The following RASAL2 variants were observed in gnomAD, a reference collection of about 807,000 sequenced individuals.
The protein encoded by RASAL2 is ras GTPase-activating protein nGAP.
In RASAL2, 58 loss-of-function variants were observed where a neutral mutation model predicts 128.9. The observed-to-expected ratio is 0.45, with a 90% CI of 0.36 to 0.56. The LOEUF (loss-of-function observed/expected upper bound fraction) is 0.56, where lower values mean the gene tolerates loss of function less well. Among genes scored for constraint, RASAL2 ranks in the 20% least tolerant of loss-of-function variants. The pLI, the probability that RASAL2 is intolerant of heterozygous loss-of-function variation, is 0.00. For missense variants in RASAL2, 1,360 were observed against 1,601.6 expected (o/e 0.85, Z 2.57); for synonymous variants, 561 against 580.8 (o/e 0.97, Z 0.49).
chr1:178,300,232 C>A, intron 3 of RASAL2, 114 bp downstream of exon 3: 2 of 1,209,716 alleles, frequency 1.7e-6, no homozygotes, highest in Non-Finnish European at 2.3e-6. Context: ...GCTTTGAAAT[C>A]AATGGCACGT....
At chr1:178,388,540 G>A (rs534162748) in intron 3 of RASAL2, among the ~76,000 whole-genome samples, 3 of 152,292 alleles carry the variant, frequency 2.0e-5, no homozygotes, top group African/African-American at 7.2e-5. Context: ...TGTACTGCAA[G>A]CATACAAGAT....
chr1:178,297,342 C>T (rs1038983045), intron 2 of RASAL2, among the ~76,000 whole-genome samples: 1 of 151,766 alleles, frequency 6.6e-6, no homozygotes, highest in Non-Finnish European at 1.5e-5. Flanking sequence ...TGGCTCATAC[C>T]TGTAATCCCA....
chr1:178,118,398 G>A (rs1464821150), intron 1 of RASAL2, among the ~76,000 whole-genome samples: 2 of 152,040 alleles, frequency 1.3e-5, no homozygotes, highest in Admixed American at 6.6e-5. Flanking sequence ...TAGAATCAGT[G>A]GAAGCCCTGA....
chr1:178,150,158 TTA>T (rs1448764477), intron 1 of RASAL2, among the ~76,000 whole-genome samples: 1 of 152,192 alleles, frequency 6.6e-6, no homozygotes, highest in Non-Finnish European at 1.5e-5. Context: ...TATTGACTGA[TTA>T]AATTAAGAAA....
intron 3 of RASAL2, among the ~76,000 whole-genome samples, chr1:178,342,903 G>A (rs1007447884): frequency 6.6e-6 from 1 of 152,170 alleles, no homozygotes; most frequent in Non-Finnish European, 1.5e-5. Context: ...GATAATTTAA[G>A]TGAAGGATCT....
chr1:178,288,300 C>G (rs1012820607), intron 2 of RASAL2, among the ~76,000 whole-genome samples: 1 of 152,156 alleles, frequency 6.6e-6, no homozygotes, highest in Non-Finnish European at 1.5e-5. Flanking sequence ...CATACCTTCT[C>G]CTGTTTCCTC....
intron 4 of RASAL2, among the ~76,000 whole-genome samples, chr1:178,412,937 G>A (rs1307319473): frequency 6.6e-6 from 1 of 152,060 alleles, no homozygotes; most frequent in Non-Finnish European, 1.5e-5. Flanking sequence ...ATTTTGAAAT[G>A]CATCAGAGCT....
intron 1 of RASAL2, among the ~76,000 whole-genome samples, chr1:178,219,449 C>G (rs571607050): frequency 2.0e-5 from 3 of 151,992 alleles, no homozygotes; most frequent in Middle Eastern, 3.4e-3. Flanking sequence ...GGGTTTGAGA[C>G]CAGCCTGGGC....
At chr1:178,448,013 A>T (rs543654021) in intron 9 of RASAL2, among the ~76,000 whole-genome samples, 195 of 152,268 alleles carry the variant, frequency 1.3e-3, no homozygotes, top group African/African-American at 4.1e-3. Context: ...GCAATCTAAG[A>T]TACCTGTCTA....
chr1:178,263,921 A>T (rs917395566), intron 1 of RASAL2, among the ~76,000 whole-genome samples: 1 of 152,232 alleles, frequency 6.6e-6, no homozygotes. Flanking sequence ...AAACAACTCC[A>T]TAGGAATTCT....
intron 9 of RASAL2, among the ~76,000 whole-genome samples, chr1:178,448,051 T>A (rs1403952897): frequency 3.9e-5 from 6 of 152,072 alleles, no homozygotes; most frequent in African/African-American, 1.4e-4. Flanking sequence ...TGAGACTAAT[T>A]TATGCTTGTG....
intron 3 of RASAL2, among the ~76,000 whole-genome samples, chr1:178,353,926 G>A (rs1347651847): frequency 6.6e-6 from 1 of 151,934 alleles, no homozygotes; most frequent in African/African-American, 2.4e-5. Context: ...AGCCAAGATT[G>A]TGCCACTGCA....
rs1210315911 is a variant in RASAL2, at chr1:178,458,257, CACACGGTGCCAGATAG to C, written c.2970_2985del (p.Val991TyrfsTer24). The stretch of plus-strand genomic sequence containing the variant: ...TCAGAGTGAGGACTTCTCCAGGCGG[CACACGGTGCCAGATAG>C]ACACATACCTCTTGCTTTGCCACGA... On this transcript the variant is annotated frameshift_variant, in exon 14 of 18. Transcript: ENST00000367649. LOFTEE classifies it high-confidence loss of function. 1 of 1,614,248 alleles carries C rather than the reference CACACGGTGCCAGATAG, an allele frequency of 6.2e-7. No homozygotes were observed. Among genetic ancestry groups the C allele is most frequent in the East Asian group, 2.2e-5 (1 of 44,888 alleles).
intron 1 of RASAL2, among the ~76,000 whole-genome samples, chr1:178,104,922 C>A (rs1016336336): frequency 2.6e-4 from 39 of 152,270 alleles, no homozygotes; most frequent in Middle Eastern, 3.4e-3. Context: ...GTCAGACCCT[C>A]CAACTGAAAT....
chr1:178,228,682 C>CTCAT (rs1663880553), intron 1 of RASAL2, among the ~76,000 whole-genome samples: 1 of 152,210 alleles, frequency 6.6e-6, no homozygotes, highest in South Asian at 2.1e-4. Flanking sequence ...TGGTATAAGA[C>CTCAT]TCATTTAACA....
At chr1:178,283,480 T>C in intron 1 of RASAL2, 84 bp from the exon 2 acceptor site, 2 of 1,509,192 alleles carry the variant, frequency 1.3e-6, no homozygotes, top group South Asian at 2.5e-5. Flanking sequence ...CTTTATTTGA[T>C]TTGGAAGAAT....
chr1:178,361,283 T>C (rs1468182007), intron 3 of RASAL2, among the ~76,000 whole-genome samples: 2 of 152,094 alleles, frequency 1.3e-5, no homozygotes, highest in African/African-American at 2.4e-5. Flanking sequence ...ATTGTGGTAT[T>C]TTTTTTTCAA....
At chr1:178,110,234 C>T (rs1245562665) in intron 1 of RASAL2, among the ~76,000 whole-genome samples, 2 of 152,062 alleles carry the variant, frequency 1.3e-5, no homozygotes, top group Non-Finnish European at 2.9e-5. Context: ...AATCTGCTTT[C>T]TATCTGTATA....
At chr1:178,299,411 C>G (rs375007608) in intron 2 of RASAL2, among the ~76,000 whole-genome samples, 3 of 152,268 alleles carry the variant, frequency 2.0e-5, no homozygotes, top group African/African-American at 7.2e-5. Flanking sequence ...GTTTTCTGAG[C>G]TCCAGGAGCA....
Sources: gnomAD v4.1 joint callset for allele counts (sites outside exome capture counted in the v4.1 genomes callset) on GRCh38, gnomAD v4.1.1 for gene constraint, MANE v1.5 for transcripts, NCBI Gene and HGNC (gene_info 2026-07-23, HGNC 2026-07-21) for gene names.